Variants in ERC2 observed in about 807,000 individuals in gnomAD.
ERC2 encodes the protein ERC protein 2.
A neutral mutation model predicts 114.8 loss-of-function variants in ERC2; 42 were observed. The observed-to-expected ratio is 0.37, with a 90% CI of 0.29 to 0.47. ERC2 has a LOEUF of 0.47. ERC2 is among the 20% of genes least tolerant of loss of function. The pLI, the probability that ERC2 is intolerant of heterozygous loss-of-function variation, is 0.99. For missense variants in ERC2, 939 were observed against 1,150.7 expected (o/e 0.82, Z 2.66); for synonymous variants, 454 against 425.5 (o/e 1.07, Z -0.82).
chr3:55,902,389 A>G (rs11926232), intron 13 of ERC2, among the ~76,000 whole-genome samples: 12,361 of 152,094 alleles, frequency 0.081, 726 homozygotes, highest in East Asian at 0.24. Flanking sequence ...CTCGGCGATT[A>G]CTGCGACATG....
chr3:56,446,611 C>CTTTTTTTTTTTTTTCT (rs71099636), intron 1 of ERC2, among the ~76,000 whole-genome samples: 1 of 120,240 alleles, frequency 8.3e-6, no homozygotes, highest in African/African-American at 3.2e-5. Context: ...GCATTTTCTT[C>CTTTTTTTTTTTTTTCT]TTTTTTTTTT....
At chr3:55,747,290 G>A (rs1260665329) in intron 14 of ERC2, among the ~76,000 whole-genome samples, 3 of 151,962 alleles carry the variant, frequency 2.0e-5, no homozygotes, top group Non-Finnish European at 4.4e-5. Flanking sequence ...GAGGTGACAG[G>A]GAAGTTTTAG....
At chr3:56,404,450 G>A (rs976569610) in intron 2 of ERC2, among the ~76,000 whole-genome samples, 3 of 152,056 alleles carry the variant, frequency 2.0e-5, no homozygotes, top group African/African-American at 4.8e-5. Context: ...TGGGTAAATC[G>A]AAGATATGCA....
chr3:55,767,288 T>G (rs1384206117), intron 14 of ERC2, among the ~76,000 whole-genome samples: 1 of 152,192 alleles, frequency 6.6e-6, no homozygotes, highest in Admixed American at 6.5e-5. Context: ...GGGTGCCAGC[T>G]TCCAAGTCAC....
intron 6 of ERC2, among the ~76,000 whole-genome samples, chr3:56,093,571 C>T (rs2077904084): frequency 6.6e-6 from 1 of 152,094 alleles, no homozygotes; most frequent in Admixed American, 6.6e-5. Context: ...CCAGTTTGTA[C>T]CACATTCATA....
At chr3:55,573,476 G>A (rs887663188) in intron 17 of ERC2, among the ~76,000 whole-genome samples, 1 of 152,126 alleles carries the variant, frequency 6.6e-6, no homozygotes, top group Non-Finnish European at 1.5e-5. Flanking sequence ...TGCGAGGGGG[G>A]CCAGGATAGT....
intron 7 of ERC2, among the ~76,000 whole-genome samples, chr3:56,067,325 G>A (rs2076528334): frequency 6.6e-6 from 1 of 152,096 alleles, no homozygotes; most frequent in African/African-American, 2.4e-5. Context: ...AATTGCGAAT[G>A]GAAGTTCATT....
chr3:56,057,308 T>A (rs2076058199), intron 7 of ERC2, among the ~76,000 whole-genome samples: 1 of 152,242 alleles, frequency 6.6e-6, no homozygotes. Context: ...CTTACAAAAC[T>A]AAAATTTTGT....
intron 17 of ERC2, among the ~76,000 whole-genome samples, chr3:55,666,304 T>TC (rs2061354315): frequency 6.6e-6 from 1 of 152,120 alleles, no homozygotes; most frequent in Non-Finnish European, 1.5e-5. Context: ...CACCATCTCC[T>TC]CCCTCTGTAC....
chr3:56,415,664 T>G (rs2061121344), intron 2 of ERC2, among the ~76,000 whole-genome samples: 1 of 152,178 alleles, frequency 6.6e-6, no homozygotes, highest in African/African-American at 2.4e-5. Context: ...GGATGGTAAT[T>G]AGTATAGCTG....
chr3:55,622,447 G>GA (rs1281118208), intron 17 of ERC2, among the ~76,000 whole-genome samples: 3 of 151,136 alleles, frequency 2.0e-5, no homozygotes, highest in African/African-American at 7.3e-5. Flanking sequence ...TTGACCAAAG[G>GA]AAAAAAAATA....
chr3:55,955,062 A>G, intron 12 of ERC2: 1 of 449,820 alleles, frequency 2.2e-6, no homozygotes, highest in South Asian at 1.6e-5. Flanking sequence ...TATAAATAAT[A>G]CATATAGTCT....
intron 7 of ERC2, among the ~76,000 whole-genome samples, chr3:56,070,993 G>A (rs950957588): frequency 1.3e-5 from 2 of 152,122 alleles, no homozygotes; most frequent in Non-Finnish European, 2.9e-5. Context: ...CCCTGGCTAG[G>A]TGAGGTGCCC....
At chr3:55,832,091 A>G (rs2060629016) in intron 14 of ERC2, among the ~76,000 whole-genome samples, 1 of 152,254 alleles carries the variant, frequency 6.6e-6, no homozygotes, top group Admixed American at 6.5e-5. Context: ...TTAGGTAAAC[A>G]AAGCAGCCTG....
chr3:55,576,922 C>T (rs2057013204), intron 17 of ERC2, among the ~76,000 whole-genome samples: 1 of 152,242 alleles, frequency 6.6e-6, no homozygotes, highest in African/African-American at 2.4e-5. Flanking sequence ...TGTTCAGAGT[C>T]CTGGCCTCTC....
rs2052014228 is a variant in ERC2 at position 55,510,697 on chromosome 3, A to C, written c.*619T>G. 1 of 152,622 alleles carries C rather than the reference A, an allele frequency of 6.6e-6. No homozygotes were observed. The highest frequency in any genetic ancestry group is 1.5e-5 in the Non-Finnish European group (1 of 68,040). The allele number at this position is 152,622 out of a possible 1,614,324, so 9.5% of individuals were successfully genotyped here. A position where few individuals can be genotyped will look rare whatever the true frequency, so the allele number is the denominator to read the frequency against. ...TTCAAACAACAGATTAAAGAAATAG[A>C]GGAGGGTAAAGGCTCGCAATTTTTG... On this transcript the variant is annotated 3_prime_UTR_variant, in exon 18 of 18. Transcript: ENST00000288221.
At chr3:56,428,558 A>AGGGAGAGAGGGAGG (rs2061665610) in intron 2 of ERC2, among the ~76,000 whole-genome samples, 1 of 64,258 alleles carries the variant, frequency 1.6e-5, no homozygotes, top group Non-Finnish European at 3.1e-5. Context: ...GAAGGAAGGG[A>AGGGAGAGAGGGAGG]GGGAGGGAGG....
At chr3:56,247,187 C>T (rs910750921) in intron 3 of ERC2, among the ~76,000 whole-genome samples, 1 of 152,210 alleles carries the variant, frequency 6.6e-6, no homozygotes, top group Non-Finnish European at 1.5e-5. Flanking sequence ...AGAAGACTTA[C>T]AGTGCATCAC....
intron 17 of ERC2, among the ~76,000 whole-genome samples, chr3:55,559,825 C>A (rs542794560): frequency 6.6e-6 from 1 of 152,358 alleles, no homozygotes; most frequent in East Asian, 1.9e-4. Flanking sequence ...CCTGTTTCAG[C>A]TTCTCCCCAG....
Sources: gnomAD v4.1 joint callset for allele counts (sites outside exome capture counted in the v4.1 genomes callset) on GRCh38, gnomAD v4.1.1 for gene constraint, MANE v1.5 for transcripts, NCBI Gene and HGNC (gene_info 2026-07-23, HGNC 2026-07-21) for gene names.